Variants in NAALADL2 observed in about 807,000 individuals in gnomAD.
The protein encoded by NAALADL2 is N-acetylated alpha-linked acidic dipeptidase like 2.
A neutral mutation model predicts 87.2 loss-of-function variants in NAALADL2; 76 were observed. The observed-to-expected ratio is 0.87, with a 90% confidence interval of 0.72 to 1.05. The LOEUF is 1.05. Among genes scored for constraint, NAALADL2 ranks in the 50% least tolerant of loss-of-function variants. The pLI is 0.00. For missense variants in NAALADL2, 1,089 were observed against 945.8 expected (o/e 1.15, Z -1.99); for synonymous variants, 354 against 331.0 (o/e 1.07, Z -0.75).
intron 11 of NAALADL2, among the ~76,000 whole-genome samples, chr3:175,634,580 A>G (rs1398102794): frequency 1.3e-5 from 2 of 150,986 alleles, no homozygotes; most frequent in Admixed American, 6.6e-5. Context: ...CTGAGTTTCA[A>G]AAATGTTAAT....
intron 1 of NAALADL2, among the ~76,000 whole-genome samples, chr3:174,936,280 G>A (rs1450208580): frequency 6.6e-6 from 1 of 151,732 alleles, no homozygotes; most frequent in Non-Finnish European, 1.5e-5. Flanking sequence ...ATATTTCAGG[G>A]GAATTTAAAG....
At chr3:175,444,172 G>C (rs1720293150) in intron 5 of NAALADL2, among the ~76,000 whole-genome samples, 1 of 152,180 alleles carries the variant, frequency 6.6e-6, no homozygotes, top group African/African-American at 2.4e-5. Context: ...GAACTGGGGA[G>C]AGATACAATC....
At chr3:174,916,499 A>T (rs574079831) in intron 1 of NAALADL2, among the ~76,000 whole-genome samples, 117 of 152,268 alleles carry the variant, frequency 7.7e-4, no homozygotes, top group Non-Finnish European at 1.2e-3. Flanking sequence ...GATATGGAAA[A>T]TGTAGCATAT....
chr3:175,133,318 G>T (rs1405085314), intron 2 of NAALADL2, among the ~76,000 whole-genome samples: 2 of 152,156 alleles, frequency 1.3e-5, no homozygotes, highest in Admixed American at 6.5e-5. Context: ...CCCAGACGGG[G>T]TGGCGGCTGG....
rs1750919021 is a variant in NAALADL2, at chr3:175,780,603, C to T, written c.2190-22402C>T. Reference sequence around the variant, plus strand: ...GGGCAAAGCTGGTATGGTTTATCCTCAAAGCCTTTATTTATTCACAGCTGT... The same window carrying T: ...GGGCAAAGCTGGTATGGTTTATCCTTAAAGCCTTTATTTATTCACAGCTGT... On this transcript the variant is annotated intron_variant, in intron 13 of 13. Transcript: ENST00000454872. Among the ~76,000 whole-genome samples, 4 of 152,112 alleles carry T rather than the reference C, an allele frequency of 2.6e-5. No individual in the cohort carries two copies. In the South Asian group the frequency reaches 8.3e-4, roughly 31 times the overall value.
At chr3:175,582,874 C>A (rs1719980370) in intron 10 of NAALADL2, among the ~76,000 whole-genome samples, 1 of 152,166 alleles carries the variant, frequency 6.6e-6, no homozygotes, top group South Asian at 2.1e-4. Flanking sequence ...GGCCAATGAT[C>A]AAAGATTTCT....
intron 1 of NAALADL2, among the ~76,000 whole-genome samples, chr3:174,990,381 C>G (rs1346076055): frequency 6.6e-6 from 1 of 152,094 alleles, no homozygotes; most frequent in Non-Finnish European, 1.5e-5. Flanking sequence ...ATTACCAATC[C>G]TGAGCCGAAA....
intron 2 of NAALADL2, among the ~76,000 whole-genome samples, chr3:175,111,035 G>A (rs760265296): frequency 6.6e-6 from 1 of 151,716 alleles, no homozygotes; most frequent in Admixed American, 6.6e-5. Flanking sequence ...AAGAAGGGAA[G>A]AAAAAAGGCT....
chr3:175,594,884 A>G (rs890885427), intron 10 of NAALADL2, among the ~76,000 whole-genome samples: 1 of 151,984 alleles, frequency 6.6e-6, no homozygotes, highest in Non-Finnish European at 1.5e-5. Flanking sequence ...AATTTCTTAT[A>G]CATTCTAGAT....
chr3:174,862,470 C>T (rs946438358), intron 1 of NAALADL2, among the ~76,000 whole-genome samples: 5 of 152,116 alleles, frequency 3.3e-5, no homozygotes, highest in African/African-American at 9.6e-5. Flanking sequence ...CTACTTCTCC[C>T]AGGATTCTTA....
chr3:174,956,282 C>A (rs937429913), intron 1 of NAALADL2, among the ~76,000 whole-genome samples: 1 of 152,004 alleles, frequency 6.6e-6, no homozygotes, highest in Non-Finnish European at 1.5e-5. Flanking sequence ...CTCTTATGGA[C>A]TCACTAAAGT....
intron 1 of NAALADL2, among the ~76,000 whole-genome samples, chr3:174,469,130 G>C (rs984959821): frequency 1.3e-5 from 2 of 152,138 alleles, no homozygotes; most frequent in African/African-American, 4.8e-5. Context: ...ACAGGATAAA[G>C]GTTCTTTGTT....
intron 2 of NAALADL2, among the ~76,000 whole-genome samples, chr3:175,161,976 T>C (rs924463124): frequency 6.6e-6 from 1 of 152,280 alleles, no homozygotes; most frequent in Non-Finnish European, 1.5e-5. Context: ...GGGTGTGACT[T>C]TCTTTCGGAA....
At chr3:175,563,790 C>G (rs16825963) in intron 9 of NAALADL2, among the ~76,000 whole-genome samples, 1 of 151,998 alleles carries the variant, frequency 6.6e-6, no homozygotes, top group African/African-American at 2.4e-5. Flanking sequence ...GGCCCTTACA[C>G]CTGGAGCAAA....
intron 1 of NAALADL2, among the ~76,000 whole-genome samples, chr3:174,946,750 A>G (rs944867601): frequency 1.3e-5 from 2 of 152,166 alleles, no homozygotes; most frequent in African/African-American, 4.8e-5. Flanking sequence ...GGTAGATGTG[A>G]AGTAGGAAGA....
At chr3:175,330,293 A>G (rs1761243720) in intron 5 of NAALADL2, among the ~76,000 whole-genome samples, 2 of 152,202 alleles carry the variant, frequency 1.3e-5, no homozygotes, top group Admixed American at 1.3e-4. Context: ...ACAAGACAGC[A>G]GTAACTGGCT....
chr3:175,459,448 G>A (rs369227976), intron 6 of NAALADL2, among the ~76,000 whole-genome samples: 2 of 151,122 alleles, frequency 1.3e-5, no homozygotes, highest in Non-Finnish European at 2.9e-5. Flanking sequence ...ACAAAAGTAC[G>A]AGTAAAATAT....
intron 1 of NAALADL2, among the ~76,000 whole-genome samples, chr3:174,941,233 G>C (rs28804494): frequency 0.041 from 6,264 of 152,138 alleles, 435 homozygotes; most frequent in African/African-American, 0.14. Context: ...AGAACTTCTT[G>C]ATTTCTGCCT....
At chr3:175,505,434 A>G (rs1327840667) in intron 9 of NAALADL2, among the ~76,000 whole-genome samples, 1 of 152,002 alleles carries the variant, frequency 6.6e-6, no homozygotes, top group Non-Finnish European at 1.5e-5. Flanking sequence ...CATAAAGATA[A>G]GAAAAAATTA....
Sources: gnomAD v4.1 joint callset for allele counts (sites outside exome capture counted in the v4.1 genomes callset) on GRCh38, gnomAD v4.1.1 for gene constraint, MANE v1.5 for transcripts, NCBI Gene and HGNC (gene_info 2026-07-23, HGNC 2026-07-21) for gene names.